FRYL: variants seen among roughly 807,000 people sequenced by gnomAD.
FRYL encodes the protein FRY like transcription coactivator.
Under a neutral mutation model 351.2 loss-of-function variants are expected in FRYL, and 150 were observed. The ratio of observed to expected loss-of-function variants is 0.43; its 90% CI spans 0.37 to 0.49. The LOEUF (loss-of-function observed/expected upper bound fraction) is 0.49. FRYL is among the 20% of genes least tolerant of loss of function. The pLI, the probability that FRYL is intolerant of heterozygous loss-of-function variation, is 0.00. For missense variants in FRYL, 3,036 were observed against 3,619.3 expected (o/e 0.84, Z 4.13); for synonymous variants, 1,153 against 1,257.1 (o/e 0.92, Z 1.75).
chr4:48,592,082 T>TTTTATATATATATATATATATATA (rs1553941949), intron 16 of FRYL, among the ~76,000 whole-genome samples: 7 of 116,178 alleles, frequency 6.0e-5, no homozygotes, highest in Non-Finnish European at 1.2e-4. Flanking sequence ...AATAAAGCTC[T>TTTTATATATATATATATATATATA]TATATATATA....
chr4:48,535,075 A>G (rs1728570028), intron 48 of FRYL, among the ~76,000 whole-genome samples: 1 of 152,116 alleles, frequency 6.6e-6, no homozygotes, highest in Non-Finnish European at 1.5e-5. Flanking sequence ...AATAGATATT[A>G]ACTTTTTGTG....
chr4:48,660,800 G>A (rs1397860414), intron 3 of FRYL, among the ~76,000 whole-genome samples: 1 of 152,072 alleles, frequency 6.6e-6, no homozygotes, highest in Non-Finnish European at 1.5e-5. Flanking sequence ...AAACCTTTAA[G>A]CCCAGTCTAA....
chr4:48,516,771 G>A (rs554451263), intron 55 of FRYL, among the ~76,000 whole-genome samples: 1 of 152,288 alleles, frequency 6.6e-6, no homozygotes, highest in South Asian at 2.1e-4. Context: ...GTAAGTGAAT[G>A]ACAATAACAT....
intron 2 of FRYL, among the ~76,000 whole-genome samples, chr4:48,685,016 C>T (rs1023963635): frequency 2.6e-5 from 4 of 152,072 alleles, no homozygotes; most frequent in Non-Finnish European, 5.9e-5. Context: ...CATGAACCCC[C>T]CACCATTCCC....
At chr4:48,574,017 C>T (rs1738983960) in intron 25 of FRYL, among the ~76,000 whole-genome samples, 1 of 152,012 alleles carries the variant, frequency 6.6e-6, no homozygotes, top group African/African-American at 2.4e-5. Flanking sequence ...CCTCTGTGAA[C>T]AACTTTGTAC....
intron 18 of FRYL, among the ~76,000 whole-genome samples, chr4:48,587,023 A>G (rs1003955779): frequency 1.1e-4 from 17 of 151,774 alleles, no homozygotes; most frequent in Non-Finnish European, 2.4e-4. Context: ...AATTAATCTT[A>G]TTAATATTTA....
At chr4:48,547,877 G>A in intron 40 of FRYL, 108 bp from the exon 41 acceptor site, 1 of 714,972 alleles carries the variant, frequency 1.4e-6, no homozygotes, top group Non-Finnish European at 2.1e-6. Flanking sequence ...AGATTTCATG[G>A]AAGGTGACAT....
chr4:48,518,869 C>T (rs1418256838), intron 55 of FRYL, among the ~76,000 whole-genome samples: 1 of 152,106 alleles, frequency 6.6e-6, no homozygotes, highest in African/African-American at 2.4e-5. Flanking sequence ...TTTGTTTTAC[C>T]TGCTTATTAT....
Position 48,580,501 on chromosome 4 carries a change from GTATCACCATTTT to G in FRYL, c.2259+352_2259+363del, listed in dbSNP as rs1740660667. On this transcript the variant is annotated intron_variant, in intron 22 of 63. Transcript: ENST00000358350. Reference sequence around the variant, plus strand: ...AGCAGGGTGTAAGTTTTTGCTTTGAGTATCACCATTTTTTTCCCGTAGCATTTTCACAAGTAT... The same window carrying G: ...AGCAGGGTGTAAGTTTTTGCTTTGAGTTTCCCGTAGCATTTTCACAAGTAT... 1.8e-5 allele frequency: 4 copies of G among 218,398 alleles called. No homozygotes were observed. In the South Asian group the frequency reaches 6.4e-4, roughly 35 times the overall value. 13.5% of individuals were successfully genotyped at this position (218,398 alleles called of 1,614,324 possible). A position where few individuals can be genotyped will look rare whatever the true frequency, so the allele number is the denominator to read the frequency against.
chr4:48,517,177 T>C (rs754819946), intron 55 of FRYL, among the ~76,000 whole-genome samples: 1 of 152,212 alleles, frequency 6.6e-6, no homozygotes, highest in Non-Finnish European at 1.5e-5. Flanking sequence ...TTGGTCATTA[T>C]TTGGAAAGAT....
intron 59 of FRYL, among the ~76,000 whole-genome samples, chr4:48,507,133 T>C (rs1411268713): frequency 1.3e-5 from 2 of 151,488 alleles, no homozygotes; most frequent in African/African-American, 4.9e-5. Context: ...CAGTTGATTA[T>C]TTATTTAATG....
At chr4:48,656,565 CATATATGCATTATATATAATGTATAT>C (rs1759224983) in intron 3 of FRYL, among the ~76,000 whole-genome samples, 1 of 113,432 alleles carries the variant, frequency 8.8e-6, no homozygotes, top group East Asian at 2.6e-4. Flanking sequence ...GTAATGTATA[CATATATGCATTATATATAATGTATAT>C]AGTAATGTAT....
chr4:48,499,441 A>AT lies in FRYL; in HGVS notation c.9022dup (p.Met3008AsnfsTer19). The stretch of plus-strand genomic sequence containing the variant: ...AGTGTCTCAGAATCCAGTGCTCACC[A>AT]TATTTCCCATTGGTTTGGCCTGTGC... On this transcript the variant is annotated frameshift_variant, in exon 64 of 64. Coordinates refer to ENST00000358350, the MANE Select transcript of FRYL (RefSeq NM_015030.2). LOFTEE classifies it high-confidence loss of function. 6.2e-7 allele frequency: 1 copy of AT among 1,614,064 alleles called. No homozygotes were observed. Among genetic ancestry groups the AT allele is most frequent in the Non-Finnish European group, 8.5e-7 (1 of 1,179,924 alleles).
Position 48,634,507 on chromosome 4 carries a change from C to G in FRYL, c.-80-17G>C. ...GCGCTGAAGCTAAAAGTAAAAGAAA[C>G]AAAAGAACTCTACTTTAATAAATCA... is the stretch of plus-strand genomic sequence containing the variant. On this transcript the variant is annotated splice_polypyrimidine_tract_variant and intron_variant, in intron 3 of 63. Coordinates refer to ENST00000358350, the MANE Select transcript of FRYL (RefSeq NM_015030.2). 6.3e-7 allele frequency: 1 copy of G among 1,590,696 alleles called. No individual in the cohort carries two copies. Among genetic ancestry groups the G allele is most frequent in the Non-Finnish European group, 8.6e-7 (1 of 1,164,338 alleles).
At chr4:48,507,000 A>C (rs1021787160) in intron 59 of FRYL, among the ~76,000 whole-genome samples, 3 of 152,160 alleles carry the variant, frequency 2.0e-5, no homozygotes, top group African/African-American at 7.2e-5. Flanking sequence ...AATGCAGTTG[A>C]CATCTAACAT....
chr4:48,511,015 T>G (rs1366616449), intron 57 of FRYL, 31 bp from the exon 58 acceptor site: 1 of 1,566,292 alleles, frequency 6.4e-7, no homozygotes, highest in Admixed American at 1.9e-5. Context: ...AAGAGTTTAG[T>G]GTTTCATAAG....
At chr4:48,626,540 T>C (rs1751865429) in intron 4 of FRYL, among the ~76,000 whole-genome samples, 1 of 152,100 alleles carries the variant, frequency 6.6e-6, no homozygotes, top group African/African-American at 2.4e-5. Context: ...TTGTCAGTCT[T>C]TCTACCTACT....
At chr4:48,536,612 G>A (rs1728944470) in intron 47 of FRYL, among the ~76,000 whole-genome samples, 1 of 152,070 alleles carries the variant, frequency 6.6e-6, no homozygotes, top group African/African-American at 2.4e-5. Flanking sequence ...CTCTCCCAGG[G>A]GACACCTGAG....
At chr4:48,678,487 G>A (rs1290616791) in intron 3 of FRYL, among the ~76,000 whole-genome samples, 3 of 103,228 alleles carry the variant, frequency 2.9e-5, no homozygotes, top group Admixed American at 1.5e-4. Context: ...CCAGCCTGGC[G>A]ACAGAGCAAA....
Sources: allele counts gnomAD v4.1 joint callset (sites outside exome capture counted in the v4.1 genomes callset), GRCh38; gene constraint gnomAD v4.1.1; transcripts MANE v1.5; gene names NCBI Gene and HGNC (gene_info 2026-07-23, HGNC 2026-07-21).